SOX6: variants seen among roughly 807,000 people sequenced by gnomAD.
SOX6 encodes SRY-box transcription factor 6.
SOX6 carries 11 observed loss-of-function variants against 97.8 expected under a neutral mutation model. The ratio of observed to expected loss-of-function variants is 0.11; its 90% CI spans 0.07 to 0.19. The LOEUF is 0.19. Ranked by LOEUF, SOX6 falls within the 10% of genes least tolerant of loss-of-function variation. The pLI, the probability that SOX6 is intolerant of heterozygous loss-of-function variation, is 1.00. For synonymous variants in SOX6, 360 were observed against 371.4 expected, an observed-to-expected ratio of 0.97 and a Z score of 0.35; for missense variants, 810 against 1,039.5, an observed-to-expected ratio of 0.78 and a Z score of 3.04.
intron 3 of SOX6, among the ~76,000 whole-genome samples, chr11:16,656,800 TTAG>T (rs562887237): frequency 6.6e-5 from 10 of 152,304 alleles, no homozygotes; most frequent in African/African-American, 1.9e-4. Context: ...TGTTTTTAAA[TTAG>T]TAGATTTTTT....
At chr11:16,123,064 T>C (rs1849530729) in intron 6 of SOX6, among the ~76,000 whole-genome samples, 1 of 152,064 alleles carries the variant, frequency 6.6e-6, no homozygotes, top group Non-Finnish European at 1.5e-5. Context: ...TGAGTACTCC[T>C]AGTACATGTT....
At chr11:16,179,617 G>A (rs559902887) in intron 6 of SOX6, among the ~76,000 whole-genome samples, 1 of 151,862 alleles carries the variant, frequency 6.6e-6, no homozygotes, top group Non-Finnish European at 1.5e-5. Flanking sequence ...AAATGATGAG[G>A]GGAGGGCAAT....
chr11:16,292,036 T>C (rs1172420121), intron 3 of SOX6, among the ~76,000 whole-genome samples: 1 of 152,144 alleles, frequency 6.6e-6, no homozygotes, highest in Non-Finnish European at 1.5e-5. Context: ...GCAGATCATC[T>C]GGAATACAAA....
At chr11:16,295,865 T>C (rs551049806) in intron 3 of SOX6, among the ~76,000 whole-genome samples, 9 of 152,106 alleles carry the variant, frequency 5.9e-5, no homozygotes, top group Non-Finnish European at 8.8e-5. Flanking sequence ...AACAAAGGAA[T>C]AGCTGAAATT....
intron 1 of SOX6, among the ~76,000 whole-genome samples, chr11:16,354,897 AT>A (rs904423085): frequency 1.3e-5 from 2 of 151,490 alleles, no homozygotes; most frequent in African/African-American, 2.4e-5. Flanking sequence ...GTTTCACACA[AT>A]TTTTTTTTAT....
intron 3 of SOX6, among the ~76,000 whole-genome samples, chr11:16,292,213 A>G (rs989573774): frequency 6.6e-6 from 1 of 152,156 alleles, no homozygotes; most frequent in African/African-American, 2.4e-5. Context: ...CTGAAAGTAT[A>G]TTTTCAGCTG....
intron 3 of SOX6, among the ~76,000 whole-genome samples, chr11:16,307,073 T>C (rs753535290): frequency 6.6e-6 from 1 of 152,176 alleles, no homozygotes; most frequent in South Asian, 2.1e-4. Context: ...TCCTAAGACA[T>C]GTTTAAGGAG....
chr11:16,150,316 C>A (rs949025590), intron 6 of SOX6, among the ~76,000 whole-genome samples: 3 of 152,194 alleles, frequency 2.0e-5, no homozygotes, highest in Non-Finnish European at 1.5e-5. Context: ...ACCCAGAGTT[C>A]TTTTCAAACA....
chr11:16,218,819 C>T (rs1852449505), intron 4 of SOX6, among the ~76,000 whole-genome samples: 1 of 152,040 alleles, frequency 6.6e-6, no homozygotes, highest in South Asian at 2.1e-4. Flanking sequence ...GGAGTTCCTC[C>T]TTTCATTTAA....
rs187243093 is a variant in SOX6, at chr11:16,004,783, A to T, written c.1732+10159T>A. ...CTCATCTTGGAGAAAAACAGGAGGC[A>T]GTATGGCTCAGATGCCATATAGACA... On this transcript the variant is annotated intron_variant, in intron 13 of 15. Coordinates refer to ENST00000683767, the MANE Select transcript of SOX6 (RefSeq NM_001367873.1). Among the ~76,000 whole-genome samples the T allele has an allele frequency of 1.2e-4, 18 of 152,236 alleles. No homozygotes were observed. The East Asian group carries it at 3.5e-3, about 29-fold the overall frequency.
At chr11:16,158,696 A>T (rs1367541635) in intron 6 of SOX6, among the ~76,000 whole-genome samples, 2 of 151,944 alleles carry the variant, frequency 1.3e-5, no homozygotes, top group African/African-American at 4.8e-5. Flanking sequence ...ATTCAGAAAA[A>T]AGATCTTGGT....
At chr11:16,205,647 T>C (rs1852052648) in intron 4 of SOX6, among the ~76,000 whole-genome samples, 1 of 152,032 alleles carries the variant, frequency 6.6e-6, no homozygotes. Context: ...TAAGCATTTG[T>C]TGGTATATAG....
intron 3 of SOX6, among the ~76,000 whole-genome samples, chr11:16,251,213 C>T (rs1192317849): frequency 6.6e-6 from 1 of 151,796 alleles, no homozygotes; most frequent in Non-Finnish European, 1.5e-5. Context: ...TAAGCTCTAT[C>T]TTAAAAGCTG....
chr11:16,189,820 G>T (rs1851582793), intron 4 of SOX6, among the ~76,000 whole-genome samples: 1 of 151,992 alleles, frequency 6.6e-6, no homozygotes, highest in Non-Finnish European at 1.5e-5. Flanking sequence ...AAGGTTTATT[G>T]GATATAGTGA....
At chr11:16,061,147 C>G (rs1164141747) in intron 9 of SOX6, among the ~76,000 whole-genome samples, 1 of 151,454 alleles carries the variant, frequency 6.6e-6, no homozygotes, top group African/African-American at 2.4e-5. Flanking sequence ...CACACTGTTT[C>G]ACAGGAAATT....
At chr11:16,061,135 A>T (rs754315419) in intron 9 of SOX6, among the ~76,000 whole-genome samples, 34 of 151,754 alleles carry the variant, frequency 2.2e-4, no homozygotes, top group Non-Finnish European at 4.6e-4. Flanking sequence ...GTCAAGTTTA[A>T]TCACACTGTT....
At chr11:16,385,408 G>T (rs947786286) in intron 1 of SOX6, among the ~76,000 whole-genome samples, 2 of 151,838 alleles carry the variant, frequency 1.3e-5, no homozygotes, top group African/African-American at 2.4e-5. Flanking sequence ...ATAAAAAGAG[G>T]GTAAGTTTAA....
intron 10 of SOX6, among the ~76,000 whole-genome samples, chr11:16,052,390 G>A (rs1847707620): frequency 6.6e-6 from 1 of 152,100 alleles, no homozygotes; most frequent in South Asian, 2.1e-4. Context: ...TATTTTCTCA[G>A]ATTGTATATA....
chr11:16,139,797 T>A (rs1481417521), intron 6 of SOX6, among the ~76,000 whole-genome samples: 6 of 151,930 alleles, frequency 3.9e-5, no homozygotes, highest in Admixed American at 3.9e-4. Flanking sequence ...CACACATTTA[T>A]ACTTCTCTCT....
Sources: allele counts gnomAD v4.1 joint callset (sites outside exome capture counted in the v4.1 genomes callset), GRCh38; gene constraint gnomAD v4.1.1; transcripts MANE v1.5; gene names NCBI Gene and HGNC (gene_info 2026-07-23, HGNC 2026-07-21).